The following PIP5K1C variants were observed in gnomAD, a reference collection of about 807,000 sequenced individuals.
PIP5K1C encodes the protein phosphatidylinositol-4-phosphate 5-kinase type 1 gamma, also known as phosphatidylinositol 4-phosphate 5-kinase type-1 gamma.
In PIP5K1C, 45 loss-of-function variants were observed where a neutral mutation model predicts 80.1. That is an observed-to-expected ratio of 0.56 (90% CI 0.44 to 0.72). The LOEUF is 0.72. Among genes scored for constraint, PIP5K1C ranks in the 30% least tolerant of loss-of-function variants. The pLI is 0.00. For missense variants in PIP5K1C, 753 were observed against 954.6 expected (o/e 0.79, Z 2.78); for synonymous variants, 498 against 420.1 (o/e 1.19, Z -2.27).
intron 2 of PIP5K1C, among the ~76,000 whole-genome samples, chr19:3,666,648 C>T (rs1471964936): frequency 1.3e-5 from 2 of 152,130 alleles, no homozygotes; most frequent in Non-Finnish European, 2.9e-5. Context: ...CACGTGCACA[C>T]ATGCACGCAA....
At chr19:3,647,250 AGAG>A in intron 10 of PIP5K1C, 85 bp downstream of exon 10, 2 of 1,096,752 alleles carry the variant, frequency 1.8e-6, no homozygotes, top group Non-Finnish European at 2.6e-6. Flanking sequence ...AGGCACTCAC[AGAG>A]GGAGGAGGGA....
rs2034049514 is a variant in PIP5K1C, at chr19:3,643,171, A to C, written c.1649+72T>G. ...CACATGCACAGCGGATGCCCCGCCC[A>C]CATGCAGTGAATGCCCCGCCCCCAC... is the stretch of plus-strand genomic sequence containing the variant. On this transcript the variant is annotated intron_variant, in intron 13 of 17. Coordinates refer to ENST00000335312, the MANE Select transcript of PIP5K1C (RefSeq NM_012398.3). 29 of 1,600,090 alleles carry C rather than the reference A, an allele frequency of 1.8e-5. No homozygotes were observed. In the East Asian group the frequency reaches 4.2e-4, roughly 23 times the overall value.
intron 2 of PIP5K1C, among the ~76,000 whole-genome samples, chr19:3,665,267 G>A (rs536216612): frequency 6.6e-6 from 1 of 152,302 alleles, no homozygotes; most frequent in South Asian, 2.1e-4. Context: ...TCTTTGGGGT[G>A]GGGCCACCCT....
At chr19:3,643,160 A>C in intron 13 of PIP5K1C, 83 bp downstream of exon 13, 1 of 1,594,250 alleles carries the variant, frequency 6.3e-7, no homozygotes. Context: ...TGCACAGCGG[A>C]TGCCCCGCCC....
intron 3 of PIP5K1C, 72 bp from the exon 4 acceptor site, chr19:3,662,073 G>T (rs1600008086): frequency 4.6e-6 from 7 of 1,514,778 alleles, no homozygotes; most frequent in East Asian, 4.9e-5. Flanking sequence ...TGTGCACCGG[G>T]GGGTGGAGAT....
chr19:3,694,334 C>G (rs1032168058), intron 1 of PIP5K1C, among the ~76,000 whole-genome samples: 15 of 152,180 alleles, frequency 9.9e-5, no homozygotes, highest in African/African-American at 3.4e-4. Context: ...CCCAGGCTCC[C>G]GGAGCCTCCA....
chr19:3,663,277 C>G (rs1191237296), intron 3 of PIP5K1C, among the ~76,000 whole-genome samples: 1 of 152,236 alleles, frequency 6.6e-6, no homozygotes. Flanking sequence ...TCTCTAATTC[C>G]GGTCTCCAGT....
chr19:3,662,218 CA>C (rs2034857205), intron 3 of PIP5K1C, among the ~76,000 whole-genome samples: 1 of 152,212 alleles, frequency 6.6e-6, no homozygotes, highest in African/African-American at 2.4e-5. Context: ...GCCACACAGC[CA>C]GGACAGGGCT....
At chr19:3,633,583 G>A in intron 16 of PIP5K1C, 63 bp from the exon 17 acceptor site, 1 of 1,108,154 alleles carries the variant, frequency 9.0e-7, no homozygotes, top group Non-Finnish European at 1.2e-6. Context: ...GTGCAAGAGA[G>A]GCAGAGGGAG....
chr19:3,639,076 GCCCCCA>G, intron 15 of PIP5K1C, 60 bp from the exon 16 acceptor site: 1 of 1,585,716 alleles, frequency 6.3e-7, no homozygotes, highest in East Asian at 2.2e-5. Flanking sequence ...GACTCCCCGC[GCCCCCA>G]CTCAGGACCC....
At chr19:3,643,995 G>A (rs1401517278) in intron 12 of PIP5K1C, 92 bp downstream of exon 12, 3 of 1,435,424 alleles carry the variant, frequency 2.1e-6, no homozygotes, top group African/African-American at 2.8e-5. Flanking sequence ...GCTGAGCGAT[G>A]GGCACTCAGG....
In PIP5K1C at chr19:3,653,542, C is replaced by T. The variant is rs1452520627; in HGVS notation, c.669G>A (p.Leu223=). ...PRTLLPKFYG[L]YCVQSGGKNI... is the part of the protein sequence containing the mutation. ...TCTTGCCCCCCGACTGCACGCAGTACAGCCCATAGAACTTGGGCAGCAGCG... is the reference window on the plus strand; with the variant it reads ...TCTTGCCCCCCGACTGCACGCAGTATAGCCCATAGAACTTGGGCAGCAGCG... Residue 223 remains leucine, a synonymous_variant, in exon 7 of 18, where the codon CTG becomes CTA. Coordinates refer to ENST00000335312, the MANE Select transcript of PIP5K1C (RefSeq NM_012398.3). The T allele has an allele frequency of 9.3e-6, 15 of 1,613,584 alleles. No individual in the cohort carries two copies. In the East Asian group the frequency reaches 2.7e-4, roughly 29 times the overall value.
At chr19:3,667,973 G>A (rs558305316) in intron 1 of PIP5K1C, among the ~76,000 whole-genome samples, 19 of 152,176 alleles carry the variant, frequency 1.2e-4, no homozygotes, top group African/African-American at 4.6e-4. Context: ...CCCCAGGGCT[G>A]CCGCCCTCCC....
At chr19:3,667,290 C>A (rs1395574727) in intron 2 of PIP5K1C, 32 bp downstream of exon 2, 12 of 1,604,486 alleles carry the variant, frequency 7.5e-6, no homozygotes, top group Non-Finnish European at 1.0e-5. Flanking sequence ...AGGGTGGGGA[C>A]CCCAGGCCCT....
rs34108156 is a variant in PIP5K1C, at chr19:3,656,435, G to A, written c.591C>T (p.Phe197=). 27 of 1,613,608 alleles carry A rather than the reference G, an allele frequency of 1.7e-5. No individual in the cohort carries two copies. The highest frequency in any genetic ancestry group is 3.3e-4 in the Middle Eastern group (2 of 6,056). The change falls in exon 6 of 18, where the codon TTC becomes TTT. Residue 197 remains phenylalanine (F), a synonymous_variant. Coordinates refer to ENST00000335312, the MANE Select transcript of PIP5K1C (RefSeq NM_012398.3). ...AGTAGCCAGGGAGCAGCTTCTGCAG[G>A]AACTCGGCCTCCTTGTGCATGACGG... is the stretch of plus-strand genomic sequence containing the variant. ...IKTVMHKEAE[F]LQKLLPGYYM... is the part of the protein sequence containing the mutation.
At chr19:3,663,678 G>C (rs1005353982) in intron 3 of PIP5K1C, among the ~76,000 whole-genome samples, 2 of 152,192 alleles carry the variant, frequency 1.3e-5, no homozygotes, top group Non-Finnish European at 2.9e-5. Flanking sequence ...ACACCTCGAA[G>C]AGACACCACC....
At chr19:3,659,648 G>C (rs1369052085) in intron 5 of PIP5K1C, among the ~76,000 whole-genome samples, 1 of 152,162 alleles carries the variant, frequency 6.6e-6, no homozygotes, top group Non-Finnish European at 1.5e-5. Context: ...GAAGTCCGGA[G>C]GCTGGGCCTT....
intron 1 of PIP5K1C, among the ~76,000 whole-genome samples, chr19:3,693,369 G>A (rs1472450822): frequency 6.6e-6 from 1 of 152,208 alleles, no homozygotes; most frequent in East Asian, 1.9e-4. Context: ...GGGCCCTCAT[G>A]CTCGACTCCA....
chr19:3,642,837 G>A (rs1416319308), intron 14 of PIP5K1C, 70 bp downstream of exon 14: 6 of 1,286,470 alleles, frequency 4.7e-6, no homozygotes, highest in Admixed American at 1.7e-5. Context: ...GCTGGGGGGC[G>A]GGAAACGGAG....
Sources: gnomAD v4.1 joint callset for allele counts (sites outside exome capture counted in the v4.1 genomes callset) on GRCh38, gnomAD v4.1.1 for gene constraint, MANE v1.5 for transcripts, NCBI Gene and HGNC (gene_info 2026-07-23, HGNC 2026-07-21) for gene names.